Variants in ACYP2 observed in about 807,000 individuals in gnomAD.
The protein encoded by ACYP2 is acylphosphatase 2.
A neutral mutation model predicts 11.2 loss-of-function variants in ACYP2; 12 were observed. The ratio of observed to expected loss-of-function variants is 1.08; its 90% CI spans 0.69 to 1.74. The LOEUF is 1.74. ACYP2 is among the 40% of genes most tolerant of loss of function. The probability of loss-of-function intolerance (pLI) is 0.00; values close to 1 mark genes in which losing one functional copy is unlikely to be tolerated. For missense variants in ACYP2, 134 were observed against 101.9 expected (o/e 1.31, Z -1.35); for synonymous variants, 43 against 32.2 (o/e 1.33, Z -1.13).
chr2:54,289,698 T>C (rs1359291536), intron 6 of ACYP2, among the ~76,000 whole-genome samples: 1 of 151,956 alleles, frequency 6.6e-6, no homozygotes, highest in Non-Finnish European at 1.5e-5. Context: ...ACTAAAACAT[T>C]ACTATGGCAT....
intron 6 of ACYP2, among the ~76,000 whole-genome samples, chr2:54,296,318 T>C (rs1246664636): frequency 6.6e-6 from 1 of 152,204 alleles, no homozygotes; most frequent in Non-Finnish European, 1.5e-5. Context: ...GCTTACTGTA[T>C]TTGATGGCTA....
intron 2 of ACYP2, among the ~76,000 whole-genome samples, chr2:53,998,129 T>C (rs1255148864): frequency 1.3e-5 from 2 of 152,216 alleles, no homozygotes; most frequent in Non-Finnish European, 1.5e-5. Context: ...GACCAGAATT[T>C]GGGGCCTTAG....
chr2:53,971,171 G>C lies in ACYP2; in HGVS notation c.-187G>C, dbSNP rs1180961044. The C allele has an allele frequency of 5.4e-6, 1 of 183,642 alleles. No individual in the cohort carries two copies. Among genetic ancestry groups the C allele is most frequent in the Non-Finnish European group, 1.1e-5 (1 of 89,534 alleles). 11.4% of individuals were successfully genotyped at this position (183,642 alleles called of 1,614,324 possible). A position where few individuals can be genotyped will look rare whatever the true frequency, so the allele number is the denominator to read the frequency against. On this transcript the variant is annotated 5_prime_UTR_variant, in exon 1 of 7. Transcript: ENST00000607452. ...TTCTTCGCCGTGGGCCCGGCTCGGA[G>C]CCCCCACCCCAGGCCTCACCGGCCC...
intron 6 of ACYP2, among the ~76,000 whole-genome samples, chr2:54,212,030 G>A (rs971490182): frequency 1.3e-5 from 2 of 152,146 alleles, no homozygotes; most frequent in African/African-American, 4.8e-5. Flanking sequence ...CATAGTAGGT[G>A]TTCACTGTAG....
chr2:53,984,884 G>A (rs1671952258), intron 2 of ACYP2, among the ~76,000 whole-genome samples: 1 of 151,730 alleles, frequency 6.6e-6, no homozygotes, highest in Admixed American at 6.6e-5. Flanking sequence ...AAATAAAAGT[G>A]AACTTCTTAA....
At chr2:54,230,693 C>G (rs1412441013) in intron 6 of ACYP2, among the ~76,000 whole-genome samples, 2 of 151,806 alleles carry the variant, frequency 1.3e-5, no homozygotes, top group Admixed American at 1.3e-4. Flanking sequence ...CCTGAACATT[C>G]CTTTCTGTCG....
intron 4 of ACYP2, among the ~76,000 whole-genome samples, chr2:54,077,450 T>A (rs1215371531): frequency 2.6e-5 from 4 of 152,228 alleles, no homozygotes; most frequent in Admixed American, 2.6e-4. Context: ...ATCTAAATGC[T>A]AACTCAGAGC....
At chr2:54,093,061 ACTC>A (rs1478288574) in intron 4 of ACYP2, among the ~76,000 whole-genome samples, 1 of 151,874 alleles carries the variant, frequency 6.6e-6, no homozygotes, top group Non-Finnish European at 1.5e-5. Context: ...CAGCAGGTAA[ACTC>A]CTCCTGCAGC....
intron 6 of ACYP2, among the ~76,000 whole-genome samples, chr2:54,180,939 C>T (rs1411922032): frequency 1.3e-5 from 2 of 152,142 alleles, no homozygotes; most frequent in Non-Finnish European, 2.9e-5. Flanking sequence ...TTAAAGGACC[C>T]ACCTCCAGAT....
Position 54,052,283 on chromosome 2 carries a change from C to T in ACYP2, c.155+1233C>T, listed in dbSNP as rs534573336. ...TGTAAGATTTATTTTTAAACTATAC[C>T]GTGTCATTTTTTGTATGGTAAACAC... On this transcript the variant is annotated intron_variant, in intron 3 of 6. Coordinates refer to ENST00000607452, the MANE Select transcript of ACYP2 (RefSeq NM_001320586.2). 7.2e-5 allele frequency among the ~76,000 whole-genome samples: 11 copies of T among 151,804 alleles called. No homozygotes were observed. The South Asian group carries it at 1.9e-3, about 26-fold the overall frequency.
intron 6 of ACYP2, among the ~76,000 whole-genome samples, chr2:54,216,768 C>T (rs927466625): frequency 5.9e-5 from 9 of 152,176 alleles, no homozygotes; most frequent in Admixed American, 3.9e-4. Context: ...AACTCTTGGC[C>T]TCAAGTGATC....
chr2:54,272,977 G>C (rs190865969), intron 6 of ACYP2, among the ~76,000 whole-genome samples: 2 of 152,310 alleles, frequency 1.3e-5, no homozygotes, highest in East Asian at 3.9e-4. Context: ...TTAGTACCAG[G>C]TCAGCTTGTT....
At chr2:54,159,416 C>G (rs1380543303) in intron 6 of ACYP2, among the ~76,000 whole-genome samples, 2 of 149,668 alleles carry the variant, frequency 1.3e-5, no homozygotes, top group African/African-American at 4.9e-5. Flanking sequence ...CTATGTTGCA[C>G]AGGCTGGTCT....
At chr2:54,174,132 A>G (rs1299552253) in intron 6 of ACYP2, among the ~76,000 whole-genome samples, 2 of 152,124 alleles carry the variant, frequency 1.3e-5, no homozygotes, top group Non-Finnish European at 2.9e-5. Flanking sequence ...CAGTATGGCT[A>G]TTTTCACAAT....
chr2:54,065,179 A>T (rs1676682285), intron 4 of ACYP2, among the ~76,000 whole-genome samples: 1 of 152,346 alleles, frequency 6.6e-6, no homozygotes, highest in Admixed American at 6.5e-5. Flanking sequence ...TGCAGTGGTA[A>T]CACAGAGAAT....
At chr2:54,188,625 G>A (rs542619776) in intron 6 of ACYP2, among the ~76,000 whole-genome samples, 1 of 152,116 alleles carries the variant, frequency 6.6e-6, no homozygotes, top group Non-Finnish European at 1.5e-5. Flanking sequence ...ATTATAAGAT[G>A]AACATACATT....
chr2:54,030,964 C>A (rs2104554118), intron 2 of ACYP2, among the ~76,000 whole-genome samples: 1 of 152,148 alleles, frequency 6.6e-6, no homozygotes, highest in East Asian at 1.9e-4. Flanking sequence ...GTGACAGTGA[C>A]CACAGCATAC....
At chr2:54,170,886 C>A (rs559821550) in intron 6 of ACYP2, among the ~76,000 whole-genome samples, 55 of 152,142 alleles carry the variant, frequency 3.6e-4, no homozygotes, top group Non-Finnish European at 6.3e-4. Context: ...AGTAATTCTC[C>A]ACTGCCTGAC....
chr2:54,060,749 C>G (rs948640654), intron 4 of ACYP2, among the ~76,000 whole-genome samples: 3 of 152,190 alleles, frequency 2.0e-5, no homozygotes, highest in African/African-American at 7.2e-5. Context: ...TCAAATGCTT[C>G]TAAGTCCTCA....
Sources: allele counts gnomAD v4.1 joint callset (sites outside exome capture counted in the v4.1 genomes callset), GRCh38; gene constraint gnomAD v4.1.1; transcripts MANE v1.5; gene names NCBI Gene and HGNC (gene_info 2026-07-23, HGNC 2026-07-21).